The following FAF1 variants were observed in gnomAD, a reference collection of about 807,000 sequenced individuals.
FAF1 encodes Fas associated factor 1.
Under a neutral mutation model 92.5 loss-of-function variants are expected in FAF1, and 25 were observed. The ratio of observed to expected loss-of-function variants is 0.27; its 90% CI spans 0.20 to 0.38. The LOEUF (loss-of-function observed/expected upper bound fraction) is 0.38, where lower values mean the gene tolerates loss of function less well. Ranked by LOEUF, FAF1 falls within the 10% of genes least tolerant of loss-of-function variation. FAF1 has a pLI of 1.00. For synonymous variants in FAF1, 234 were observed against 273.2 expected, an observed-to-expected ratio of 0.86 and a Z score of 1.42; for missense variants, 636 against 793.3, an observed-to-expected ratio of 0.80 and a Z score of 2.38.
intron 4 of FAF1, among the ~76,000 whole-genome samples, chr1:50,759,012 T>G (rs1660203440): frequency 2.0e-5 from 3 of 152,048 alleles, no homozygotes; most frequent in Admixed American, 2.0e-4. Context: ...CCAGCTAATT[T>G]TTTGTGATTT....
rs138650116 is a variant in FAF1 at position 50,438,824 on chromosome 1, G to C, written c.*2616C>G. 4 of 152,180 alleles carry C rather than the reference G, an allele frequency of 2.6e-5. No homozygotes were observed. The highest frequency in any genetic ancestry group is 5.9e-5 in the Non-Finnish European group (4 of 68,042). 9.4% of individuals were successfully genotyped at this position (152,180 alleles called of 1,614,324 possible). The stretch of plus-strand genomic sequence containing the variant: ...TGTTAAAAAGGTAGATTCCATAAAA[G>C]ATGCTCTCATTCATCTTTGATTCTG... On this transcript the variant is annotated 3_prime_UTR_variant, in exon 19 of 19. Coordinates refer to ENST00000396153, the MANE Select transcript of FAF1 (RefSeq NM_007051.3).
At chr1:50,945,787 C>T (rs1048963268) in intron 1 of FAF1, among the ~76,000 whole-genome samples, 4 of 152,194 alleles carry the variant, frequency 2.6e-5, no homozygotes, top group South Asian at 2.1e-4. Flanking sequence ...GGCAAAGGTC[C>T]GTAGAAATAC....
intron 1 of FAF1, among the ~76,000 whole-genome samples, chr1:50,859,630 C>T (rs1644416971): frequency 6.6e-6 from 1 of 151,916 alleles, no homozygotes; most frequent in African/African-American, 2.4e-5. Flanking sequence ...AAAAACATTC[C>T]ATGCTCACAG....
At chr1:50,827,435 C>T (rs1644111237) in intron 2 of FAF1, among the ~76,000 whole-genome samples, 1 of 152,112 alleles carries the variant, frequency 6.6e-6, no homozygotes, top group Admixed American at 6.5e-5. Flanking sequence ...AGGCAGCATG[C>T]TCCTTAAGAG....
chr1:50,760,479 C>G (rs1021592533), intron 4 of FAF1, among the ~76,000 whole-genome samples: 5 of 152,152 alleles, frequency 3.3e-5, no homozygotes, highest in Non-Finnish European at 5.9e-5. Context: ...GAAATTATAA[C>G]AAACTGTCTC....
intron 2 of FAF1, among the ~76,000 whole-genome samples, chr1:50,823,431 C>T (rs972216074): frequency 2.0e-5 from 3 of 152,090 alleles, no homozygotes; most frequent in African/African-American, 7.2e-5. Context: ...AAAATATCTA[C>T]AATATTAAGC....
intron 4 of FAF1, among the ~76,000 whole-genome samples, chr1:50,757,371 G>C (rs1451921219): frequency 6.6e-6 from 1 of 152,010 alleles, no homozygotes; most frequent in Non-Finnish European, 1.5e-5. Context: ...TGTCAGTTTG[G>C]ATTTGTCCAT....
Position 50,808,951 on chromosome 1 carries a change from T to C in FAF1, c.115-7274A>G, listed in dbSNP as rs191951801. Among the ~76,000 whole-genome samples the C allele has an allele frequency of 6.6e-5, 10 of 152,266 alleles. No homozygotes were observed. The East Asian group carries it at 1.9e-3, about 29-fold the overall frequency. On this transcript the variant is annotated intron_variant, in intron 2 of 18. Transcript: ENST00000396153. ...CAAGAAGACCTAACTATCCTAAATA[T>C]ATATGCACCAAACACAGAAGCACCC...
rs1345138688 is a variant in FAF1 at position 50,959,922 on chromosome 1, G to A, written c.-111C>T. 33 of 629,612 alleles carry A rather than the reference G, an allele frequency of 5.2e-5. No individual in the cohort carries two copies. The highest frequency in any genetic ancestry group is 5.8e-5 in the Non-Finnish European group (27 of 467,306). 39.0% of individuals were successfully genotyped at this position (629,612 alleles called of 1,614,324 possible). ...CGCCGCCGCCGCCGGGCGCCGAGGG[G>A]CTGGCGGGCGAGCCGGCGGGCGGGT... On this transcript the variant is annotated 5_prime_UTR_variant, in exon 1 of 19. Transcript: ENST00000396153.
At chr1:50,914,261 A>G (rs1344739143) in intron 1 of FAF1, among the ~76,000 whole-genome samples, 1 of 152,238 alleles carries the variant, frequency 6.6e-6, no homozygotes, top group African/African-American at 2.4e-5. Flanking sequence ...TTCTCCATTC[A>G]TCAAATACAC....
chr1:50,757,750 ATTAT>A (rs1213342275), intron 4 of FAF1, among the ~76,000 whole-genome samples: 2 of 151,980 alleles, frequency 1.3e-5, no homozygotes, highest in African/African-American at 4.8e-5. Context: ...ATGTATTATA[ATTAT>A]TTATATGGTC....
intron 8 of FAF1, among the ~76,000 whole-genome samples, chr1:50,630,963 C>A (rs913624949): frequency 6.6e-6 from 1 of 151,600 alleles, no homozygotes. Flanking sequence ...CCACCATGCC[C>A]GGCTAATTTT....
chr1:50,586,518 C>G (rs2124035747), intron 9 of FAF1, among the ~76,000 whole-genome samples: 1 of 152,292 alleles, frequency 6.6e-6, no homozygotes, highest in African/African-American at 2.4e-5. Flanking sequence ...AACTTTAAGA[C>G]AATCTTTCTA....
intron 1 of FAF1, among the ~76,000 whole-genome samples, chr1:50,929,971 A>G (rs769188324): frequency 6.6e-6 from 1 of 152,252 alleles, no homozygotes; most frequent in Non-Finnish European, 1.5e-5. Context: ...AATTTATCGC[A>G]TAAAGAATTA....
chr1:50,626,688 T>A (rs1431458428), intron 8 of FAF1, among the ~76,000 whole-genome samples: 4 of 152,128 alleles, frequency 2.6e-5, no homozygotes, highest in Non-Finnish European at 5.9e-5. Context: ...AGCAGGGAGA[T>A]TACTTGAGTA....
chr1:50,846,817 A>G (rs1644305612), intron 2 of FAF1: 2 of 626,774 alleles, frequency 3.2e-6, no homozygotes, highest in Non-Finnish European at 5.8e-6. Context: ...GGAAAATTAT[A>G]TTACACAAAG....
At chr1:50,449,647 G>T (rs563049373) in intron 18 of FAF1, among the ~76,000 whole-genome samples, 53 of 151,402 alleles carry the variant, frequency 3.5e-4, no homozygotes, top group Non-Finnish European at 6.6e-4. Flanking sequence ...GCACCACCAT[G>T]CCCAATTAAT....
At chr1:50,825,498 C>G (rs1468702410) in intron 2 of FAF1, among the ~76,000 whole-genome samples, 5 of 151,736 alleles carry the variant, frequency 3.3e-5, no homozygotes, top group African/African-American at 1.2e-4. Context: ...TGTATCATCT[C>G]TAAATCTGTA....
chr1:50,746,245 A>AATATATAT (rs1557506291), intron 4 of FAF1, among the ~76,000 whole-genome samples: 6 of 71,520 alleles, frequency 8.4e-5, no homozygotes, highest in Non-Finnish European at 1.2e-4. Context: ...ACCTGAAACG[A>AATATATAT]ACATATATAT....
Sources: gnomAD v4.1 joint callset for allele counts (sites outside exome capture counted in the v4.1 genomes callset) on GRCh38, gnomAD v4.1.1 for gene constraint, MANE v1.5 for transcripts, NCBI Gene and HGNC (gene_info 2026-07-23, HGNC 2026-07-21) for gene names.